MAP2K4: variants seen among roughly 807,000 people sequenced by gnomAD.
MAP2K4 encodes the protein dual specificity mitogen-activated protein kinase kinase 4.
A neutral mutation model predicts 48.5 loss-of-function variants in MAP2K4; 4 were observed. That is an observed-to-expected ratio of 0.08 (90% CI 0.04 to 0.19). The LOEUF is 0.19. Ranked by LOEUF, MAP2K4 falls within the 10% of genes least tolerant of loss-of-function variation. The pLI, the probability that MAP2K4 is intolerant of heterozygous loss-of-function variation, is 1.00. For missense variants in MAP2K4, 258 were observed against 493.3 expected, an observed-to-expected ratio of 0.52 and a Z score of 4.52; for synonymous variants, 166 against 173.1, an observed-to-expected ratio of 0.96 and a Z score of 0.32.
At chr17:12,110,704 GATA>G (rs1188790765) in intron 6 of MAP2K4, 1 of 351,552 alleles carries the variant, frequency 2.8e-6, no homozygotes, top group African/African-American at 2.2e-5. Flanking sequence ...TTGCCTGATA[GATA>G]ATGTTTTTCT....
At chr17:12,115,549 G>A in intron 7 of MAP2K4, 1 of 679,820 alleles carries the variant, frequency 1.5e-6, no homozygotes, top group South Asian at 1.4e-5. Flanking sequence ...GGAGAAAGAT[G>A]GAAGACTACC....
chr17:12,077,628 A>T (rs1971056514), intron 2 of MAP2K4, among the ~76,000 whole-genome samples: 1 of 152,164 alleles, frequency 6.6e-6, no homozygotes, highest in African/African-American at 2.4e-5. Flanking sequence ...CATTCCAGGC[A>T]ACAAGAAGGA....
intron 3 of MAP2K4, among the ~76,000 whole-genome samples, chr17:12,085,913 C>A (rs949761911): frequency 1.3e-5 from 2 of 152,038 alleles, no homozygotes; most frequent in Admixed American, 6.6e-5. Context: ...ACTGGAGAGA[C>A]CATGCCACTT....
intron 1 of MAP2K4, among the ~76,000 whole-genome samples, chr17:12,026,508 A>G (rs1268944455): frequency 2.0e-5 from 3 of 152,192 alleles, no homozygotes; most frequent in Admixed American, 2.0e-4. Context: ...TTCCTACCTA[A>G]TTTGATGCTC....
chr17:12,110,719 C>T, intron 6 of MAP2K4: 1 of 319,858 alleles, frequency 3.1e-6, no homozygotes, highest in South Asian at 3.8e-5. Context: ...TGTTTTTCTG[C>T]ATACAAATAA....
At chr17:12,073,410 AG>A (rs559422646) in intron 2 of MAP2K4, among the ~76,000 whole-genome samples, 179 of 152,344 alleles carry the variant, frequency 1.2e-3, no homozygotes, top group African/African-American at 4.2e-3. Flanking sequence ...TGCTGTTATC[AG>A]TCCAGAATAC....
chr17:12,140,577 C>T (rs1052847459), intron 10 of MAP2K4, among the ~76,000 whole-genome samples: 6 of 152,106 alleles, frequency 3.9e-5, no homozygotes, highest in Non-Finnish European at 5.9e-5. Flanking sequence ...GGGACCCTGG[C>T]TCTGGAGAGT....
intron 2 of MAP2K4, among the ~76,000 whole-genome samples, chr17:12,063,841 G>A (rs997041127): frequency 6.6e-6 from 1 of 151,610 alleles, no homozygotes; most frequent in Admixed American, 6.6e-5. Flanking sequence ...ACATGGTGTC[G>A]CATGGCTGTA....
chr17:12,121,320 G>A (rs746661322), intron 7 of MAP2K4, among the ~76,000 whole-genome samples: 3 of 151,940 alleles, frequency 2.0e-5, no homozygotes, highest in South Asian at 2.1e-4. Flanking sequence ...ATCCAAAATC[G>A]AAACACTCAG....
At chr17:12,115,528 G>A in intron 7 of MAP2K4, 1 of 515,276 alleles carries the variant, frequency 1.9e-6, no homozygotes. Flanking sequence ...AGGAGGTAGA[G>A]GTGACGGGCC....
rs1251569890 is a variant in MAP2K4 at position 12,142,021 on chromosome 17, G to A, written c.*761G>A. On this transcript the variant is annotated 3_prime_UTR_variant, in exon 11 of 11. Transcript: ENST00000353533. ...AGGAGTCTGCCACTTGTCAAAGAAG[G>A]TGCTGATCCTAAGAATTTTTCATTC... is the stretch of plus-strand genomic sequence containing the variant. The A allele has an allele frequency of 8.6e-6, 2 of 233,258 alleles. No homozygotes were observed. The highest frequency in any genetic ancestry group is 4.4e-5 in the African/African-American group (2 of 45,312). 14.4% of individuals were successfully genotyped at this position (233,258 alleles called of 1,614,324 possible). A position where few individuals can be genotyped will look rare whatever the true frequency, so the allele number is the denominator to read the frequency against.
chr17:12,097,130 C>A (rs1344643826), intron 4 of MAP2K4, among the ~76,000 whole-genome samples: 1 of 152,046 alleles, frequency 6.6e-6, no homozygotes, highest in Non-Finnish European at 1.5e-5. Context: ...AGAATCTTAC[C>A]ATATCTTCCT....
At chr17:12,097,625 C>A (rs182002434) in intron 4 of MAP2K4, among the ~76,000 whole-genome samples, 4 of 152,310 alleles carry the variant, frequency 2.6e-5, no homozygotes, top group Admixed American at 2.6e-4. Context: ...TAAACACTAA[C>A]GTCTGTTGAA....
chr17:12,083,815 A>G (rs1225104511), intron 3 of MAP2K4, among the ~76,000 whole-genome samples: 1 of 152,218 alleles, frequency 6.6e-6, no homozygotes, highest in Non-Finnish European at 1.5e-5. Context: ...AGGCACAAAT[A>G]TACAGAATCA....
At chr17:12,118,450 C>G (rs1166555323) in intron 7 of MAP2K4, among the ~76,000 whole-genome samples, 1 of 152,112 alleles carries the variant, frequency 6.6e-6, no homozygotes, top group Non-Finnish European at 1.5e-5. Flanking sequence ...AGGCCTGGAT[C>G]ACTCGGGATA....
chr17:12,029,904 A>T (rs1969377953), intron 1 of MAP2K4, among the ~76,000 whole-genome samples: 1 of 152,034 alleles, frequency 6.6e-6, no homozygotes, highest in African/African-American at 2.4e-5. Context: ...AGCGACAGCA[A>T]GACCCTGTCT....
chr17:12,027,232 A>G (rs1465935199), intron 1 of MAP2K4, among the ~76,000 whole-genome samples: 1 of 152,206 alleles, frequency 6.6e-6, no homozygotes, highest in Admixed American at 6.5e-5. Flanking sequence ...GTAGCTACAC[A>G]GTGAAAGGGA....
chr17:12,108,252 T>A (rs575507993), intron 5 of MAP2K4, among the ~76,000 whole-genome samples: 1 of 152,258 alleles, frequency 6.6e-6, no homozygotes, highest in Admixed American at 6.5e-5. Flanking sequence ...TTAATCAGAA[T>A]CACAGCAGTC....
At chr17:12,073,722 C>CA (rs1206015064) in intron 2 of MAP2K4, among the ~76,000 whole-genome samples, 1 of 151,430 alleles carries the variant, frequency 6.6e-6, no homozygotes, top group African/African-American at 2.4e-5. Flanking sequence ...TCACCATAGT[C>CA]AAGTTAACAT....
Sources: gnomAD v4.1 joint callset for allele counts (sites outside exome capture counted in the v4.1 genomes callset) on GRCh38, gnomAD v4.1.1 for gene constraint, MANE v1.5 for transcripts, NCBI Gene and HGNC (gene_info 2026-07-23, HGNC 2026-07-21) for gene names.